Variants in UBE2G2 observed in about 807,000 individuals in gnomAD.
UBE2G2 encodes the protein ubiquitin conjugating enzyme E2 G2.
Under a neutral mutation model 23.0 loss-of-function variants are expected in UBE2G2, and 10 were observed. That is an observed-to-expected ratio of 0.43 (90% confidence interval 0.27 to 0.74). The LOEUF is 0.74. UBE2G2 is among the 30% of genes least tolerant of loss of function. UBE2G2 has a pLI of 0.19. For synonymous variants in UBE2G2, 86 were observed against 81.3 expected, an observed-to-expected ratio of 1.06 and a Z score of -0.31; for missense variants, 150 against 218.3, an observed-to-expected ratio of 0.69 and a Z score of 1.97.
At position 44,769,287 on chromosome 21, in the gene UBE2G2, C is replaced by G. The variant is rs1555959479; in HGVS notation, c.*2090G>C. The stretch of plus-strand genomic sequence containing the variant: ...AAATGACTCTTCTTTACAGAGAGGG[C>G]TCCATCTCATTTGCCTGCAAATACA... On this transcript the variant is annotated 3_prime_UTR_variant, in exon 6 of 6. Transcript: ENST00000345496. 6.6e-6 allele frequency: 1 copy of G among 152,204 alleles called. No homozygotes were observed. The highest frequency in any genetic ancestry group is 1.9e-4 in the East Asian group (1 of 5,200). The allele number at this position is 152,204 out of a possible 1,614,324, so 9.4% of individuals were successfully genotyped here. A position where few individuals can be genotyped will look rare whatever the true frequency, so the allele number is the denominator to read the frequency against.
chr21:44,787,031 G>A (rs2083001462), intron 3 of UBE2G2, among the ~76,000 whole-genome samples: 1 of 151,590 alleles, frequency 6.6e-6, no homozygotes, highest in East Asian at 1.9e-4. Context: ...GGCAGGAGTT[G>A]CAGTGAGCCA....
chr21:44,783,698 C>T (rs1317900154), intron 3 of UBE2G2, among the ~76,000 whole-genome samples: 1 of 152,136 alleles, frequency 6.6e-6, no homozygotes, highest in Non-Finnish European at 1.5e-5. Flanking sequence ...CAGGGATTGC[C>T]TGGGGGTTGG....
At chr21:44,797,325 T>C (rs1379686990) in intron 1 of UBE2G2, among the ~76,000 whole-genome samples, 1 of 152,180 alleles carries the variant, frequency 6.6e-6, no homozygotes, top group Non-Finnish European at 1.5e-5. Context: ...CTAATGCAAA[T>C]ATCCTTAGAA....
At chr21:44,799,108 G>T (rs2083115798) in intron 1 of UBE2G2, among the ~76,000 whole-genome samples, 1 of 152,128 alleles carries the variant, frequency 6.6e-6, no homozygotes, top group Non-Finnish European at 1.5e-5. Flanking sequence ...TCTCAACAGT[G>T]GGCTTATATT....
chr21:44,791,613 G>C (rs1444907674), intron 1 of UBE2G2, among the ~76,000 whole-genome samples: 1 of 152,230 alleles, frequency 6.6e-6, no homozygotes, highest in Non-Finnish European at 1.5e-5. Context: ...GAAACGCCTG[G>C]ATGTCCAGAC....
At chr21:44,779,266 C>T (rs782353659) in intron 3 of UBE2G2, 2 of 410,184 alleles carry the variant, frequency 4.9e-6, no homozygotes, top group South Asian at 3.5e-5. Context: ...TTCATGGAGA[C>T]AAGATTTTTC....
At position 44,771,753 on chromosome 21, in the gene UBE2G2, C is replaced by T. The variant is rs191495128; in HGVS notation, c.386-264G>A. Among the ~76,000 whole-genome samples the T allele has an allele frequency of 2.0e-5, 3 of 152,284 alleles. No homozygotes were observed. Among genetic ancestry groups the T allele is most frequent in the East Asian group, 1.9e-4 (1 of 5,182 alleles). On this transcript the variant is annotated intron_variant, in intron 5 of 5. Transcript: ENST00000345496. The surrounding 1 kb of genome is among the most constrained non-coding windows in gnomAD (Gnocchi z 4.6). ...GTCATCTGTCTTGCTGTGGAACATG[C>T]GACAACCACCTAAGCACAGGCCCAC...
At chr21:44,781,177 A>G (rs782298223) in intron 3 of UBE2G2, among the ~76,000 whole-genome samples, 3 of 152,222 alleles carry the variant, frequency 2.0e-5, no homozygotes, top group Admixed American at 6.5e-5. Context: ...GTGGATGACT[A>G]AGGGACGATG....
intron 4 of UBE2G2, 117 bp downstream of exon 4, chr21:44,777,182 A>C: frequency 1.2e-6 from 1 of 863,336 alleles, no homozygotes; most frequent in Non-Finnish European, 1.8e-6. Context: ...AAACATAAGA[A>C]GTGTTTTCTA....
chr21:44,777,150 A>G (rs1313104631), intron 4 of UBE2G2, 149 bp downstream of exon 4: 2 of 680,804 alleles, frequency 2.9e-6, no homozygotes, highest in Non-Finnish European at 4.9e-6. Flanking sequence ...TAATACCACC[A>G]TGCTTACTTG....
chr21:44,795,868 G>A (rs1555963675), intron 1 of UBE2G2, among the ~76,000 whole-genome samples: 3 of 152,188 alleles, frequency 2.0e-5, no homozygotes, highest in Admixed American at 6.5e-5. Context: ...TTTAGGACAT[G>A]CACACAGGGG....
rs1442952674 is a variant in UBE2G2, at chr21:44,771,253, GAT to G, written c.*122_*123del. The G allele has an allele frequency of 3.5e-5, 27 of 778,774 alleles. No individual in the cohort carries two copies. Among genetic ancestry groups the G allele is most frequent in the Middle Eastern group, 3.7e-4 (1 of 2,726 alleles). 48.2% of individuals were successfully genotyped at this position (778,774 alleles called of 1,614,324 possible). A position where few individuals can be genotyped will look rare whatever the true frequency, so the allele number is the denominator to read the frequency against. ...TAGGAAAGGTTTGAAAAAAAAAAAA[GAT>G]GCCATGGTTCTTGCAAGTCTGCCTT... On this transcript the variant is annotated 3_prime_UTR_variant, in exon 6 of 6. Coordinates refer to ENST00000345496, the MANE Select transcript of UBE2G2 (RefSeq NM_003343.6). The surrounding 1 kb of genome is among the most constrained non-coding windows in gnomAD (Gnocchi z 4.6).
chr21:44,787,455 G>A (rs1170859265), intron 3 of UBE2G2, among the ~76,000 whole-genome samples: 1 of 152,182 alleles, frequency 6.6e-6, no homozygotes, highest in African/African-American at 2.4e-5. Context: ...GAACTGGGAG[G>A]AAAGGAGAAG....
chr21:44,792,051 C>A (rs1242892380), intron 1 of UBE2G2, among the ~76,000 whole-genome samples: 1 of 152,210 alleles, frequency 6.6e-6, no homozygotes, highest in Non-Finnish European at 1.5e-5. Flanking sequence ...TTTGTTTTGG[C>A]CAATTTCTTC....
At chr21:44,795,255 C>T (rs235274) in intron 1 of UBE2G2, among the ~76,000 whole-genome samples, 4,686 of 151,336 alleles carry the variant, frequency 0.031, 109 homozygotes, top group Middle Eastern at 0.049. Context: ...AGAGAGAGCA[C>T]CTCAAAAATA....
intron 3 of UBE2G2, chr21:44,779,347 C>T: frequency 6.8e-6 from 1 of 146,670 alleles, no homozygotes; most frequent in South Asian, 1.0e-4. Flanking sequence ...GCGAATATGG[C>T]CACTTTGTTT....
chr21:44,774,644 G>A, intron 4 of UBE2G2: 1 of 446,496 alleles, frequency 2.2e-6, no homozygotes, highest in Non-Finnish European at 4.5e-6. Flanking sequence ...ACGTTCAGTG[G>A]TGAACGCTCT....
At position 44,771,635 on chromosome 21, in the gene UBE2G2, G is replaced by A. The variant is rs1555959964; in HGVS notation, c.386-146C>T. 6.1e-6 allele frequency: 5 copies of A among 815,320 alleles called. No individual in the cohort carries two copies. The highest frequency in any genetic ancestry group is 9.8e-6 in the Non-Finnish European group (5 of 511,992). 50.5% of individuals were successfully genotyped at this position (815,320 alleles called of 1,614,324 possible). A position where few individuals can be genotyped will look rare whatever the true frequency, so the allele number is the denominator to read the frequency against. ...AGAACCTGAGAACTGCATGGGGTCG[G>A]CCCCACCTCTAGAGTGCTGGCCACG... is the stretch of plus-strand genomic sequence containing the variant. On this transcript the variant is annotated intron_variant, in intron 5 of 5. Transcript: ENST00000345496. This position sits in a 1 kb window ranked among gnomAD's most constrained non-coding sequence, Gnocchi z 4.6.
intron 3 of UBE2G2, among the ~76,000 whole-genome samples, chr21:44,784,226 A>G (rs782366344): frequency 3.3e-5 from 5 of 151,928 alleles, no homozygotes; most frequent in Non-Finnish European, 5.9e-5. Flanking sequence ...AGGAGGGAGG[A>G]GAGGAGAGGA....
Sources: gnomAD v4.1 joint callset for allele counts (sites outside exome capture counted in the v4.1 genomes callset) on GRCh38, gnomAD v4.1.1 for gene constraint, Gnocchi (gnomAD v3.1) non-coding constraint, MANE v1.5 for transcripts, NCBI Gene and HGNC (gene_info 2026-07-23, HGNC 2026-07-21) for gene names.